The following LOC122539214 variants were observed in gnomAD, a reference collection of about 807,000 sequenced individuals.
chr19:52,683,032 A>G, the LOC122539214 span, among the ~76,000 whole-genome samples: 96 of 151,664 alleles, frequency 6.3e-4, no homozygotes, highest in Non-Finnish European at 1.1e-3. Context: ...CACCACACCC[A>G]GCTAATTTTT....
chr19:52,664,763 A>C, the LOC122539214 span, among the ~76,000 whole-genome samples: 1 of 10,476 alleles, frequency 9.5e-5, no homozygotes, highest in Non-Finnish European at 2.0e-4. Context: ...TGGGGGGGTG[A>C]GGGGGGAAGA....
chr19:52,681,347 A>G, the LOC122539214 span, among the ~76,000 whole-genome samples: 2 of 151,808 alleles, frequency 1.3e-5, no homozygotes, highest in Admixed American at 6.6e-5. Context: ...GTTCAACATA[A>G]CAGGTGATAT....
chr19:52,681,307 C>T, the LOC122539214 span, among the ~76,000 whole-genome samples: 3 of 89,560 alleles, frequency 3.3e-5, no homozygotes, highest in East Asian at 2.7e-4. Flanking sequence ...AAAAAGCAAA[C>T]GAACATAGAG....
the LOC122539214 span, among the ~76,000 whole-genome samples, chr19:52,682,404 GGC>G: frequency 6.6e-6 from 1 of 152,088 alleles, no homozygotes; most frequent in African/African-American, 2.4e-5. Flanking sequence ...TGGAAGTGGT[GGC>G]TCATGCCTGA....
the LOC122539214 span, among the ~76,000 whole-genome samples, chr19:52,656,625 A>G: frequency 1.3e-5 from 2 of 152,272 alleles, no homozygotes; most frequent in South Asian, 4.2e-4. Context: ...CCGAACACTT[A>G]TGGAGGCTGA....
the LOC122539214 span, among the ~76,000 whole-genome samples, chr19:52,653,665 G>A: frequency 6.6e-6 from 1 of 152,142 alleles, no homozygotes; most frequent in Non-Finnish European, 1.5e-5. Flanking sequence ...TTTTTCTCCA[G>A]TATGAAGTCT....
At chr19:52,683,226 CTCTGTGTGTGTGTGTG>C in the LOC122539214 span, among the ~76,000 whole-genome samples, 111 of 135,760 alleles carry the variant, frequency 8.2e-4, no homozygotes, top group Middle Eastern at 3.5e-3. Flanking sequence ...TGCCCTGTGA[CTCTGTGTGTGTGTGTG>C]TGTGTGTGTG....
At chr19:52,672,452 A>C in the LOC122539214 span, among the ~76,000 whole-genome samples, 1 of 152,216 alleles carries the variant, frequency 6.6e-6, no homozygotes, top group Admixed American at 6.5e-5. Context: ...AGCAAGTTTA[A>C]AAAAGCATAA....
the LOC122539214 span, chr19:52,653,980 G>C: frequency 1.4e-6 from 2 of 1,401,722 alleles, no homozygotes; most frequent in Non-Finnish European, 2.0e-6. Flanking sequence ...ATACCTATTA[G>C]AAATATGGGT....
the LOC122539214 span, among the ~76,000 whole-genome samples, chr19:52,664,491 A>G: frequency 1.3e-5 from 2 of 152,064 alleles, no homozygotes; most frequent in Non-Finnish European, 2.9e-5. Flanking sequence ...GTGAGACCCC[A>G]TCTCCAATTA....
At chr19:52,673,798 T>A in the LOC122539214 span, among the ~76,000 whole-genome samples, 6 of 150,276 alleles carry the variant, frequency 4.0e-5, no homozygotes, top group South Asian at 1.3e-3. Context: ...GCCAATCACC[T>A]CAGGTCAAAA....
At chr19:52,685,178 T>C in the LOC122539214 span, among the ~76,000 whole-genome samples, 1 of 152,154 alleles carries the variant, frequency 6.6e-6, no homozygotes, top group Non-Finnish European at 1.5e-5. Context: ...ATTTTGCCAA[T>C]CATTTCAGGG....
chr19:52,687,542 TA>T, the LOC122539214 span, among the ~76,000 whole-genome samples: 1 of 30,668 alleles, frequency 3.3e-5, no homozygotes, highest in African/African-American at 1.1e-4. Context: ...ATTATATATA[TA>T]AATTATATGT....
the LOC122539214 span, among the ~76,000 whole-genome samples, chr19:52,683,773 G>A: frequency 6.6e-6 from 1 of 152,144 alleles, no homozygotes. Context: ...ATTTCCAGAA[G>A]AAATGTGGGA....
At chr19:52,654,771 G>A in the LOC122539214 span, 2 of 156,044 alleles carry the variant, frequency 1.3e-5, no homozygotes, top group African/African-American at 4.8e-5. Flanking sequence ...CCTGAATGAT[G>A]TCCTCCCTAA....
chr19:52,667,976 T>C, the LOC122539214 span, among the ~76,000 whole-genome samples: 1 of 152,120 alleles, frequency 6.6e-6, no homozygotes, highest in African/African-American at 2.4e-5. Context: ...AAATAGGTGC[T>C]AAAGAAAATT....
chr19:52,655,130 T>G, the LOC122539214 span: 1 of 157,710 alleles, frequency 6.3e-6, no homozygotes, highest in Non-Finnish European at 1.4e-5. Flanking sequence ...GAGGTTGCAA[T>G]GAGCTGAGAT....
the LOC122539214 span, among the ~76,000 whole-genome samples, chr19:52,678,870 G>C: frequency 6.6e-6 from 1 of 151,760 alleles, no homozygotes; most frequent in South Asian, 2.1e-4. Flanking sequence ...AGCTACTCAG[G>C]AGGCTGAGGC....
At chr19:52,666,851 G>A in the LOC122539214 span, among the ~76,000 whole-genome samples, 1 of 152,166 alleles carries the variant, frequency 6.6e-6, no homozygotes, top group Non-Finnish European at 1.5e-5. Context: ...TCTCCCAGGT[G>A]ACTGAGGGAA....
Sources: allele counts gnomAD v4.1 joint callset (sites outside exome capture counted in the v4.1 genomes callset), GRCh38; gene constraint gnomAD v4.1.1; transcripts MANE v1.5.